Variants in RGS6 observed in about 807,000 individuals in gnomAD.
RGS6 encodes regulator of G protein signaling 6.
In RGS6, 30 loss-of-function variants were observed where a neutral mutation model predicts 78.5. The ratio of observed to expected loss-of-function variants is 0.38; its 90% confidence interval spans 0.29 to 0.52. The LOEUF is 0.52. Among genes scored for constraint, RGS6 ranks in the 20% least tolerant of loss-of-function variants. RGS6 has a pLI of 0.85. For synonymous variants in RGS6, 206 were observed against 206.0 expected, an observed-to-expected ratio of 1.00 and a Z score of 0.00; for missense variants, 495 against 609.7, an observed-to-expected ratio of 0.81 and a Z score of 1.98.
chr14:72,210,267 G>C (rs1191269162), intron 2 of RGS6, among the ~76,000 whole-genome samples: 2 of 152,192 alleles, frequency 1.3e-5, no homozygotes, highest in Non-Finnish European at 2.9e-5. Context: ...AGAAGGATGA[G>C]AGATGGCACA....
At chr14:72,201,670 A>C (rs141555786) in intron 2 of RGS6, among the ~76,000 whole-genome samples, 1 of 152,342 alleles carries the variant, frequency 6.6e-6, no homozygotes, top group East Asian at 1.9e-4. Context: ...CTTCCCAAAT[A>C]AACTGACTGA....
At position 72,197,209 on chromosome 14, in the gene RGS6, G is replaced by T. The variant is rs2040385730; in HGVS notation, c.85-154886G>T. Among the ~76,000 whole-genome samples, 4 of 152,200 alleles carry T rather than the reference G, an allele frequency of 2.6e-5. No homozygotes were observed. The South Asian group carries it at 8.3e-4, about 32-fold the overall frequency. On this transcript the variant is annotated intron_variant, in intron 2 of 17. Coordinates refer to ENST00000553525, the MANE Select transcript of RGS6 (RefSeq NM_001204424.2). ...GTCTCCTGAGTAGCTGGGATTACAG[G>T]TGCACGCCACCATGCCTGGCTGATT...
intron 2 of RGS6, among the ~76,000 whole-genome samples, chr14:72,317,504 G>A (rs2070640459): frequency 6.6e-6 from 1 of 152,084 alleles, no homozygotes; most frequent in Non-Finnish European, 1.5e-5. Flanking sequence ...ATTGTCGAAG[G>A]CCTTCGCAAA....
intron 2 of RGS6, among the ~76,000 whole-genome samples, chr14:72,028,899 C>A (rs74060461): frequency 3.9e-5 from 6 of 152,116 alleles, no homozygotes; most frequent in African/African-American, 1.4e-4. Context: ...AGGTCAAGTC[C>A]TAATTGAAAT....
chr14:72,385,615 G>GT (rs1164900629), intron 3 of RGS6, among the ~76,000 whole-genome samples: 3 of 152,162 alleles, frequency 2.0e-5, no homozygotes, highest in Admixed American at 1.3e-4. Context: ...GACAGTGAGG[G>GT]TGAGACTAAG....
intron 2 of RGS6, among the ~76,000 whole-genome samples, chr14:72,130,107 A>C (rs1237263386): frequency 7.2e-5 from 11 of 152,190 alleles, no homozygotes. Flanking sequence ...ATTCACTAGA[A>C]TGACTCACAG....
chr14:72,571,371 G>A (rs12323891), downstream of RGS6, among the ~76,000 whole-genome samples: 9 of 152,156 alleles, frequency 5.9e-5, no homozygotes, highest in Admixed American at 3.9e-4. Flanking sequence ...CAGCCTTGCT[G>A]TGTGTGCTGA....
the RGS6 span, among the ~76,000 whole-genome samples, chr14:72,576,812 G>T: frequency 1.3e-5 from 2 of 152,120 alleles, 1 homozygote; most frequent in African/African-American, 4.8e-5. Flanking sequence ...AAGAATTGAT[G>T]ATTTTCAGAG....
At chr14:71,897,223 G>T in the RGS6 span, among the ~76,000 whole-genome samples, 1 of 152,238 alleles carries the variant, frequency 6.6e-6, no homozygotes, top group Non-Finnish European at 1.5e-5. Flanking sequence ...TGCCAGCAAG[G>T]CAGCATTGGT....
At chr14:71,928,760 G>T (rs556330489), upstream of RGS6, among the ~76,000 whole-genome samples, 1 of 152,192 alleles carries the variant, frequency 6.6e-6, no homozygotes, top group Non-Finnish European at 1.5e-5. Flanking sequence ...CAGGATCCTT[G>T]CATGCAGTGT....
chr14:72,447,964 G>T (rs1428144006), intron 3 of RGS6, among the ~76,000 whole-genome samples: 2 of 152,106 alleles, frequency 1.3e-5, no homozygotes, highest in Non-Finnish European at 2.9e-5. Context: ...TCGGCCTCCC[G>T]CAGTGTACTG....
At chr14:72,176,806 C>T (rs775375882) in intron 2 of RGS6, among the ~76,000 whole-genome samples, 22 of 152,166 alleles carry the variant, frequency 1.4e-4, no homozygotes, top group Non-Finnish European at 2.2e-4. Context: ...TTTACACATA[C>T]GCACATGTGC....
intron 3 of RGS6, among the ~76,000 whole-genome samples, chr14:72,432,633 T>G (rs1006905182): frequency 6.6e-6 from 1 of 152,194 alleles, no homozygotes; most frequent in Admixed American, 6.5e-5. Context: ...AGTTAGTCCT[T>G]GCTCCTGTCC....
intron 2 of RGS6, among the ~76,000 whole-genome samples, chr14:72,138,824 C>T (rs1435341696): frequency 6.6e-6 from 1 of 152,124 alleles, no homozygotes; most frequent in African/African-American, 2.4e-5. Context: ...TCACTGTCTC[C>T]CATCACCCCC....
intron 2 of RGS6, among the ~76,000 whole-genome samples, chr14:71,979,512 T>G (rs900952856): frequency 6.6e-6 from 1 of 152,140 alleles, no homozygotes; most frequent in Admixed American, 6.5e-5. Flanking sequence ...TGCCTTCATT[T>G]CGTTATGTAC....
downstream of RGS6, among the ~76,000 whole-genome samples, chr14:72,568,457 T>C (rs1301175082): frequency 6.6e-6 from 1 of 152,182 alleles, no homozygotes; most frequent in Non-Finnish European, 1.5e-5. Context: ...AGAGCTGCCC[T>C]TCCCGCCAAC....
chr14:72,007,470 AC>A (rs2084792272), intron 2 of RGS6, among the ~76,000 whole-genome samples: 1 of 152,238 alleles, frequency 6.6e-6, no homozygotes, highest in African/African-American at 2.4e-5. Flanking sequence ...AGCTTGTCCA[AC>A]CCTTGGCCCG....
chr14:72,217,937 G>T (rs2045969000), intron 2 of RGS6, among the ~76,000 whole-genome samples: 1 of 152,098 alleles, frequency 6.6e-6, no homozygotes, highest in Non-Finnish European at 1.5e-5. Flanking sequence ...ACATACATAT[G>T]TGTGTCAGGT....
chr14:71,990,675 C>T, intron 2 of RGS6: 2 of 456,038 alleles, frequency 4.4e-6, no homozygotes, highest in South Asian at 3.1e-5. Context: ...GAAACTTTGG[C>T]CCATTCTTTT....
Sources: gnomAD v4.1 joint callset for allele counts (sites outside exome capture counted in the v4.1 genomes callset) on GRCh38, gnomAD v4.1.1 for gene constraint, MANE v1.5 for transcripts, NCBI Gene and HGNC (gene_info 2026-07-23, HGNC 2026-07-21) for gene names.